CLDN10: variants seen among roughly 807,000 people sequenced by gnomAD.
The protein encoded by CLDN10 is claudin-10.
Under a neutral mutation model 22.9 loss-of-function variants are expected in CLDN10, and 15 were observed. The observed-to-expected ratio is 0.65, with a 90% CI of 0.44 to 1.01. CLDN10 has a LOEUF of 1.01. Ranked by LOEUF, CLDN10 falls within the 50% of genes least tolerant of loss-of-function variation. The probability of loss-of-function intolerance (pLI) is 0.00; values close to 1 mark genes in which losing one functional copy is unlikely to be tolerated. For missense variants in CLDN10, 247 were observed against 287.8 expected (o/e 0.86, Z 1.03); for synonymous variants, 114 against 111.4 (o/e 1.02, Z -0.15).
At chr13:95,467,406 C>T (rs895283342) in intron 1 of CLDN10, among the ~76,000 whole-genome samples, 5 of 152,084 alleles carry the variant, frequency 3.3e-5, no homozygotes, top group African/African-American at 1.2e-4. Context: ...TAGTCTCATA[C>T]TTTTTTTAAA....
At chr13:95,460,960 A>G (rs1427151632) in intron 1 of CLDN10, among the ~76,000 whole-genome samples, 2 of 152,046 alleles carry the variant, frequency 1.3e-5, no homozygotes, top group Non-Finnish European at 1.5e-5. Context: ...AATACAAAAA[A>G]GTTAGCTGGA....
intron 1 of CLDN10, among the ~76,000 whole-genome samples, chr13:95,470,318 G>A (rs763200356): frequency 3.3e-4 from 50 of 152,070 alleles, no homozygotes; most frequent in Non-Finnish European, 6.2e-4. Context: ...TGTTAACTAG[G>A]CTGGACTTGA....
intron 1 of CLDN10, among the ~76,000 whole-genome samples, chr13:95,503,334 G>A (rs1358298057): frequency 6.6e-6 from 1 of 152,050 alleles, no homozygotes; most frequent in African/African-American, 2.4e-5. Flanking sequence ...TAATATTGAG[G>A]GTTAAAAAGT....
At chr13:95,534,850 A>T (rs998187686) in intron 1 of CLDN10, among the ~76,000 whole-genome samples, 4 of 152,220 alleles carry the variant, frequency 2.6e-5, no homozygotes, top group Non-Finnish European at 5.9e-5. Context: ...TAATATAACA[A>T]CAACAGTGAG....
intron 3 of CLDN10, among the ~76,000 whole-genome samples, chr13:95,574,896 C>T (rs1375077496): frequency 2.0e-5 from 3 of 152,212 alleles, no homozygotes; most frequent in African/African-American, 7.2e-5. Flanking sequence ...CCCAATTCCT[C>T]ATCCGCCTGG....
chr13:95,433,832 A>T (rs773857197), exon 1 of CLDN10: 3 of 1,613,900 alleles, frequency 1.9e-6, no homozygotes, highest in Admixed American at 1.7e-5. Context: ...AGGCGGCGCG[A>T]CATGTCCAGG....
chr13:95,434,533 G>A (rs202155647), intron 1 of CLDN10, among the ~76,000 whole-genome samples: 5 of 95,306 alleles, frequency 5.2e-5, no homozygotes, highest in African/African-American at 8.6e-5. Flanking sequence ...ATATATATAT[G>A]CACACGTGTG....
intron 1 of CLDN10, among the ~76,000 whole-genome samples, chr13:95,471,416 T>TACACACACAC (rs1355860426): frequency 1.2e-3 from 134 of 115,240 alleles, no homozygotes; most frequent in African/African-American, 4.5e-3. Flanking sequence ...CACACACACA[T>TACACACACAC]ATACACACAC....
chr13:95,497,478 G>A (rs536057492), intron 1 of CLDN10, among the ~76,000 whole-genome samples: 23 of 152,300 alleles, frequency 1.5e-4, no homozygotes, highest in African/African-American at 5.5e-4. Flanking sequence ...AGGAAGCAGA[G>A]CTGTTACTCT....
chr13:95,440,061 G>A (rs78823080), intron 1 of CLDN10, among the ~76,000 whole-genome samples: 13,869 of 151,946 alleles, frequency 0.091, 873 homozygotes, highest in South Asian at 0.23. Flanking sequence ...CTACAGGCTC[G>A]CGCCACCATG....
At chr13:95,490,926 A>T (rs2042866219) in intron 1 of CLDN10, among the ~76,000 whole-genome samples, 1 of 152,040 alleles carries the variant, frequency 6.6e-6, no homozygotes, top group Admixed American at 6.6e-5. Flanking sequence ...TTGTTTTATA[A>T]ATTTTGGAGC....
chr13:95,452,593 G>C (rs1425999515), intron 1 of CLDN10, among the ~76,000 whole-genome samples: 2 of 152,278 alleles, frequency 1.3e-5, no homozygotes, highest in Non-Finnish European at 1.5e-5. Context: ...TGGGTCGTGT[G>C]GACATTTCTA....
intron 1 of CLDN10, among the ~76,000 whole-genome samples, chr13:95,540,442 C>T (rs1456530503): frequency 6.6e-6 from 1 of 151,336 alleles, no homozygotes; most frequent in Admixed American, 6.6e-5. Context: ...TGCAGTGAGC[C>T]AAGATAGCAC....
chr13:95,495,267 C>G (rs768081498), intron 1 of CLDN10, among the ~76,000 whole-genome samples: 1 of 151,766 alleles, frequency 6.6e-6, no homozygotes, highest in Non-Finnish European at 1.5e-5. Context: ...GAAGTCCTGA[C>G]CTCAAGTGAT....
At chr13:95,498,638 A>G (rs1031195030) in intron 1 of CLDN10, among the ~76,000 whole-genome samples, 4 of 152,088 alleles carry the variant, frequency 2.6e-5, no homozygotes, top group African/African-American at 4.8e-5. Context: ...TAAGTGATCC[A>G]CCCATCTCAG....
chr13:95,577,858 A>T lies in CLDN10; in HGVS notation c.573-42A>T, dbSNP rs1480180449. 4 of 1,315,752 alleles carry T rather than the reference A, an allele frequency of 3.0e-6. No individual in the cohort carries two copies. In the Admixed American group the frequency reaches 5.6e-5, roughly 19 times the overall value. The allele number at this position is 1,315,752 out of a possible 1,614,324, so 81.5% of individuals were successfully genotyped here. Reference sequence around the variant, plus strand: ...GTTTCTTCCCATTTTTGTTTGCCCTATGTGTAGAATAGAATCTACCAAACT... The same window carrying T: ...GTTTCTTCCCATTTTTGTTTGCCCTTTGTGTAGAATAGAATCTACCAAACT... On this transcript the variant is annotated intron_variant, in intron 4 of 4. Transcript: ENST00000299339.
At chr13:95,441,191 G>C (rs560097171) in intron 1 of CLDN10, among the ~76,000 whole-genome samples, 2 of 152,332 alleles carry the variant, frequency 1.3e-5, no homozygotes, top group African/African-American at 4.8e-5. Context: ...CCAAGTTCTA[G>C]AAAAGGGAGA....
chr13:95,445,068 G>A (rs958262209), intron 1 of CLDN10, among the ~76,000 whole-genome samples: 3 of 152,194 alleles, frequency 2.0e-5, no homozygotes, highest in East Asian at 1.9e-4. Flanking sequence ...GAGCCGCCAC[G>A]CCTGGCCTGA....
chr13:95,575,372 G>C (rs2043910179), intron 3 of CLDN10, among the ~76,000 whole-genome samples: 1 of 152,188 alleles, frequency 6.6e-6, no homozygotes, highest in Non-Finnish European at 1.5e-5. Flanking sequence ...TGTTTCAGGG[G>C]CCAAATGACA....
Sources: allele counts gnomAD v4.1 joint callset (sites outside exome capture counted in the v4.1 genomes callset), GRCh38; gene constraint gnomAD v4.1.1; transcripts MANE v1.5; gene names NCBI Gene and HGNC (gene_info 2026-07-23, HGNC 2026-07-21).